DPP6: variants seen among roughly 807,000 people sequenced by gnomAD.
The protein encoded by DPP6 is dipeptidyl peptidase like 6.
Under a neutral mutation model 122.6 loss-of-function variants are expected in DPP6, and 69 were observed. The observed-to-expected ratio is 0.56, with a 90% CI of 0.46 to 0.69. The LOEUF is 0.69. Ranked by LOEUF, DPP6 falls within the 30% of genes least tolerant of loss-of-function variation. DPP6 has a pLI of 0.00. For missense variants in DPP6, 928 were observed against 1,116.9 expected, an observed-to-expected ratio of 0.83 and a Z score of 2.41; for synonymous variants, 418 against 433.1, an observed-to-expected ratio of 0.97 and a Z score of 0.43.
intron 1 of DPP6, among the ~76,000 whole-genome samples, chr7:154,217,449 C>G (rs556439530): frequency 6.6e-6 from 1 of 152,230 alleles, no homozygotes; most frequent in East Asian, 1.9e-4. Context: ...AATAACATGT[C>G]TCTGGGATGT....
At chr7:154,009,681 G>A (rs1798073007) in intron 1 of DPP6, among the ~76,000 whole-genome samples, 2 of 151,440 alleles carry the variant, frequency 1.3e-5, no homozygotes, top group African/African-American at 4.9e-5. Context: ...AAAGGATGGT[G>A]CCCTTTGTTC....
At chr7:154,155,227 G>A (rs1388072821) in intron 1 of DPP6, among the ~76,000 whole-genome samples, 2 of 152,220 alleles carry the variant, frequency 1.3e-5, no homozygotes, top group Non-Finnish European at 2.9e-5. Flanking sequence ...TCCAAAGCAT[G>A]TCCTGGGCAT....
At chr7:153,959,675 A>G (rs1054378335) in intron 1 of DPP6, among the ~76,000 whole-genome samples, 1 of 152,230 alleles carries the variant, frequency 6.6e-6, no homozygotes, top group Non-Finnish European at 1.5e-5. Context: ...CTTGCCCTGG[A>G]TTAGGCTTTG....
chr7:154,436,554 A>G (rs917096738), intron 1 of DPP6, among the ~76,000 whole-genome samples: 8 of 152,074 alleles, frequency 5.3e-5, no homozygotes, highest in Admixed American at 1.3e-4. Context: ...CGTTAGGCCA[A>G]TGCTCACTGT....
At chr7:154,801,215 T>C in intron 12 of DPP6, 140 bp from the exon 13 acceptor site, 4 of 1,226,056 alleles carry the variant, frequency 3.3e-6, no homozygotes, top group Non-Finnish European at 3.4e-6. Flanking sequence ...GACGGCCTCA[T>C]CAAGCACTTA....
At chr7:153,828,697 T>A in the DPP6 span, among the ~76,000 whole-genome samples, 1 of 152,184 alleles carries the variant, frequency 6.6e-6, no homozygotes, top group African/African-American at 2.4e-5. Context: ...CTCTGGATAG[T>A]GGGGCTGATA....
Position 154,246,684 on chromosome 7 carries a change from C to G in DPP6, c.243+193621C>G, listed in dbSNP as rs548095068. ...AGTGTGGCATTAGCATAAGAAAAGA[C>G]AAATAATCAACGGAACTCATTTCTG... On this transcript the variant is annotated intron_variant, in intron 1 of 25. Transcript: ENST00000377770. 2.0e-5 allele frequency among the ~76,000 whole-genome samples: 3 copies of G among 152,222 alleles called. No homozygotes were observed. The South Asian group carries it at 6.2e-4, about 32-fold the overall frequency.
intron 1 of DPP6, among the ~76,000 whole-genome samples, chr7:154,402,419 TA>T (rs561767768): frequency 0.045 from 6,647 of 148,736 alleles, 414 homozygotes; most frequent in African/African-American, 0.16. Flanking sequence ...TATGCAGCCA[TA>T]AAAAATGATG....
At chr7:154,500,184 C>T (rs925289783) in intron 3 of DPP6, among the ~76,000 whole-genome samples, 2 of 150,592 alleles carry the variant, frequency 1.3e-5, no homozygotes, top group South Asian at 4.3e-4. Context: ...AGTTTAGGCA[C>T]AGAAAGCCAC....
In DPP6 at chr7:154,499,883, A is replaced by G. The variant is rs186658626; in HGVS notation, c.457+24846A>G. Among the ~76,000 whole-genome samples, 18 of 152,310 alleles carry G rather than the reference A, an allele frequency of 1.2e-4. No homozygotes were observed. In the East Asian group the frequency reaches 3.5e-3, roughly 29 times the overall value. The stretch of plus-strand genomic sequence containing the variant: ...AGAGTCAGCATTTAGACACAATTAC[A>G]GCTGTGAGTTATTATCGTGAAAGGA... On this transcript the variant is annotated intron_variant, in intron 3 of 25. Transcript: ENST00000377770.
the DPP6 span, among the ~76,000 whole-genome samples, chr7:153,840,654 G>A: frequency 6.6e-6 from 1 of 152,194 alleles, no homozygotes; most frequent in Non-Finnish European, 1.5e-5. Context: ...GAGACTATCT[G>A]AAGCTGAAAT....
Position 154,650,479 on chromosome 7 carries a change from G to A in DPP6, c.680+12606G>A, listed in dbSNP as rs1586810964. ...ATCTGCACTTGGACATCCTGGTGACGTGGCCTAACTTCCGACATTGGGGTC... is the reference window on the plus strand; with the variant it reads ...ATCTGCACTTGGACATCCTGGTGACATGGCCTAACTTCCGACATTGGGGTC... On this transcript the variant is annotated intron_variant, in intron 6 of 25. Coordinates refer to ENST00000377770, the MANE Select transcript of DPP6 (RefSeq NM_130797.4). Among the ~76,000 whole-genome samples, 3 of 152,298 alleles carry A rather than the reference G, an allele frequency of 2.0e-5. No homozygotes were observed. The South Asian group carries it at 6.2e-4, about 32-fold the overall frequency.
At chr7:154,498,047 A>C (rs539261153) in intron 3 of DPP6, among the ~76,000 whole-genome samples, 58 of 152,348 alleles carry the variant, frequency 3.8e-4, no homozygotes, top group African/African-American at 1.4e-3. Context: ...GAAACCGAGC[A>C]TGGGAGAGAA....
chr7:154,359,772 C>T (rs1270134726), intron 1 of DPP6, among the ~76,000 whole-genome samples: 3 of 152,218 alleles, frequency 2.0e-5, no homozygotes, highest in African/African-American at 7.2e-5. Context: ...GTAAAAGGCA[C>T]TTTCCCAAAC....
chr7:153,850,830 C>G, the DPP6 span, among the ~76,000 whole-genome samples: 2 of 152,104 alleles, frequency 1.3e-5, no homozygotes, highest in African/African-American at 4.8e-5. Flanking sequence ...TCCACCTGGC[C>G]CAGCCCTTGA....
At chr7:154,307,920 G>C (rs1015181821) in intron 1 of DPP6, among the ~76,000 whole-genome samples, 10 of 150,960 alleles carry the variant, frequency 6.6e-5, no homozygotes, top group African/African-American at 2.4e-4. Flanking sequence ...CTGCTTTGTG[G>C]ATTGGTTTTG....
chr7:154,096,123 A>G (rs1005979122), intron 1 of DPP6: 1 of 93,196 alleles, frequency 1.1e-5, no homozygotes, highest in African/African-American at 4.4e-5. Flanking sequence ...CAGAGGCAAC[A>G]TTAGAACCTT....
chr7:154,883,989 C>CAAATT (rs1805792531), intron 21 of DPP6: 1 of 146,266 alleles, frequency 6.8e-6, no homozygotes, highest in African/African-American at 2.6e-5. Flanking sequence ...CACATGCTCA[C>CAAATT]ACATACACAT....
rs1207844045 is a variant in DPP6 at position 154,340,891 on chromosome 7, C to T, written c.244-105323C>T. ...CCCGTGTCCACTACAGAATGCCTGG[C>T]GCTGCTCTTTTTGGCTCTGAGTGTG... is the stretch of plus-strand genomic sequence containing the variant. On this transcript the variant is annotated intron_variant, in intron 1 of 25. Transcript: ENST00000377770. Among the ~76,000 whole-genome samples, 6 of 152,110 alleles carry T rather than the reference C, an allele frequency of 3.9e-5. No individual in the cohort carries two copies. In the East Asian group the frequency reaches 7.7e-4, roughly 20 times the overall value.
Sources: gnomAD v4.1 joint callset for allele counts (sites outside exome capture counted in the v4.1 genomes callset) on GRCh38, gnomAD v4.1.1 for gene constraint, MANE v1.5 for transcripts, NCBI Gene and HGNC (gene_info 2026-07-23, HGNC 2026-07-21) for gene names.